Variants in RAP1GAP2 observed in about 807,000 individuals in gnomAD.
RAP1GAP2 encodes RAP1 GTPase activating protein 2, also known as rap1 GTPase-activating protein 2.
Under a neutral mutation model 95.0 loss-of-function variants are expected in RAP1GAP2, and 27 were observed. That is an observed-to-expected ratio of 0.28 (90% confidence interval 0.21 to 0.39). The LOEUF is 0.39. Ranked by LOEUF, RAP1GAP2 falls within the 10% of genes least tolerant of loss-of-function variation. The pLI, the probability that RAP1GAP2 is intolerant of heterozygous loss-of-function variation, is 1.00. For synonymous variants in RAP1GAP2, 373 were observed against 380.9 expected (o/e 0.98, Z 0.24); for missense variants, 771 against 970.0 (o/e 0.79, Z 2.72).
intron 1 of RAP1GAP2, among the ~76,000 whole-genome samples, chr17:2,759,816 G>T (rs746992887): frequency 1.5e-4 from 23 of 152,080 alleles, no homozygotes; most frequent in Non-Finnish European, 2.5e-4. Context: ...GAAACTCCTG[G>T]CTCAAGTGAT....
intron 8 of RAP1GAP2, among the ~76,000 whole-genome samples, chr17:2,968,120 G>A (rs1429429672): frequency 6.6e-6 from 1 of 152,116 alleles, no homozygotes; most frequent in Admixed American, 6.6e-5. Context: ...GAATTTGAGA[G>A]ATTTATTAAC....
Position 2,963,526 on chromosome 17 carries a change from A to G in RAP1GAP2, c.279+64A>G, listed in dbSNP as rs1224667277. The G allele has an allele frequency of 1.1e-5, 17 of 1,598,188 alleles. No homozygotes were observed. The highest frequency in any genetic ancestry group is 1.3e-5 in the African/African-American group (1 of 74,612). ...TGCTCTGGGTCCCGTCCCTGGGGAA[A>G]TGATGGCGATGGCCTGTGCCCAGCC... On this transcript the variant is annotated intron_variant, in intron 6 of 24. Transcript: ENST00000254695. The surrounding 1 kb of genome is among the most constrained non-coding windows in gnomAD (Gnocchi z 4.8).
chr17:2,886,450 G>C (rs1328172846), intron 2 of RAP1GAP2, among the ~76,000 whole-genome samples: 4 of 152,006 alleles, frequency 2.6e-5, no homozygotes, highest in African/African-American at 9.7e-5. Context: ...TGGGATTACA[G>C]GTGTGAGCCA....
chr17:3,009,320 T>C (rs2046436552), intron 17 of RAP1GAP2, among the ~76,000 whole-genome samples: 1 of 152,214 alleles, frequency 6.6e-6, no homozygotes. Flanking sequence ...ACACACATTA[T>C]CCCACCTGGA....
intron 3 of RAP1GAP2, among the ~76,000 whole-genome samples, chr17:2,954,569 CTTATTTATTTATTTAT>C (rs142139752): frequency 6.6e-6 from 1 of 150,686 alleles, no homozygotes; most frequent in Non-Finnish European, 1.5e-5. Flanking sequence ...CATATCAGTA[CTTATTTATTTATTTAT>C]TTATTTATTT....
intron 11 of RAP1GAP2, among the ~76,000 whole-genome samples, chr17:2,985,661 TCA>T (rs1465516026): frequency 6.6e-6 from 1 of 152,230 alleles, no homozygotes; most frequent in African/African-American, 2.4e-5. Context: ...TTTGTAGCCC[TCA>T]CACGTTGCTT....
intron 8 of RAP1GAP2, among the ~76,000 whole-genome samples, chr17:2,967,481 G>A (rs1446438790): frequency 6.6e-6 from 1 of 152,214 alleles, no homozygotes; most frequent in East Asian, 1.9e-4. Context: ...AGGAGTGAGA[G>A]TGAGCCCTGG....
intron 2 of RAP1GAP2, among the ~76,000 whole-genome samples, chr17:2,809,442 C>T (rs574397097): frequency 4.5e-4 from 68 of 152,264 alleles, no homozygotes; most frequent in Non-Finnish European, 9.0e-4. Flanking sequence ...GCAAGGACGC[C>T]GGAGAGGAAA....
intron 2 of RAP1GAP2, among the ~76,000 whole-genome samples, chr17:2,899,595 C>CT (rs1264406798): frequency 6.6e-6 from 1 of 151,988 alleles, no homozygotes; most frequent in Non-Finnish European, 1.5e-5. Context: ...ACTGCAACCT[C>CT]TGTCTCCCAG....
intron 2 of RAP1GAP2, among the ~76,000 whole-genome samples, chr17:2,872,372 C>T (rs768055425): frequency 1.3e-5 from 2 of 151,944 alleles, no homozygotes; most frequent in African/African-American, 4.8e-5. Context: ...TAGGCACATC[C>T]GAGGGGAGTG....
At chr17:2,770,695 T>A (rs2068373352) in intron 2 of RAP1GAP2, among the ~76,000 whole-genome samples, 1 of 152,172 alleles carries the variant, frequency 6.6e-6, no homozygotes, top group South Asian at 2.1e-4. Flanking sequence ...TTCCCTGACT[T>A]CTCTTGGGAG....
chr17:2,967,274 G>A (rs1485293871), intron 8 of RAP1GAP2, among the ~76,000 whole-genome samples: 3 of 152,162 alleles, frequency 2.0e-5, no homozygotes, highest in Admixed American at 6.5e-5. Context: ...AGGAGGCTGA[G>A]GCAGGAGAAT....
At chr17:2,930,997 C>T (rs2043126680) in intron 3 of RAP1GAP2, among the ~76,000 whole-genome samples, 1 of 151,914 alleles carries the variant, frequency 6.6e-6, no homozygotes, top group African/African-American at 2.4e-5. Context: ...GTGGCATGCC[C>T]TGTAATCTCA....
upstream of RAP1GAP2, among the ~76,000 whole-genome samples, chr17:2,793,826 T>C (rs921565617): frequency 4.0e-5 from 6 of 151,850 alleles, no homozygotes; most frequent in Non-Finnish European, 7.4e-5. Context: ...TTTGGCCGGG[T>C]GTGGTGGCTC....
intron 3 of RAP1GAP2, among the ~76,000 whole-genome samples, chr17:2,928,196 C>T (rs958768738): frequency 2.1e-4 from 32 of 152,294 alleles, no homozygotes; most frequent in African/African-American, 6.5e-4. Context: ...TGCCACTGTC[C>T]GCTTCCCATT....
chr17:2,909,732 C>T (rs945926890), intron 3 of RAP1GAP2, among the ~76,000 whole-genome samples: 1 of 152,142 alleles, frequency 6.6e-6, no homozygotes, highest in Admixed American at 6.5e-5. Context: ...CCCCTTTGAG[C>T]TCAGCTCAGC....
At chr17:3,017,936 T>C (rs953547513) in intron 17 of RAP1GAP2, 125 bp from the exon 18 acceptor site, 88 of 811,542 alleles carry the variant, frequency 1.1e-4, no homozygotes, top group Middle Eastern at 3.1e-4. Flanking sequence ...TGTGTGTGTG[T>C]GTGTGTGTGT....
chr17:2,928,643 A>C (rs974719390), intron 3 of RAP1GAP2, among the ~76,000 whole-genome samples: 1 of 152,188 alleles, frequency 6.6e-6, no homozygotes, highest in Non-Finnish European at 1.5e-5. Context: ...AGGGCGAGTA[A>C]ACAGGCACAC....
At chr17:2,945,518 T>G (rs768699478) in intron 3 of RAP1GAP2, among the ~76,000 whole-genome samples, 1 of 152,096 alleles carries the variant, frequency 6.6e-6, no homozygotes. Flanking sequence ...CCAATGGTAG[T>G]GGTGAAAGTG....
Sources: gnomAD v4.1 joint callset for allele counts (sites outside exome capture counted in the v4.1 genomes callset) on GRCh38, gnomAD v4.1.1 for gene constraint, Gnocchi (gnomAD v3.1) non-coding constraint, MANE v1.5 for transcripts, NCBI Gene and HGNC (gene_info 2026-07-23, HGNC 2026-07-21) for gene names.